The following FSTL5 variants were observed in gnomAD, a reference collection of about 807,000 sequenced individuals.
FSTL5 encodes the protein follistatin-related protein 5.
In FSTL5, 62 loss-of-function variants were observed where a neutral mutation model predicts 89.1. That is an observed-to-expected ratio of 0.70 (90% CI 0.57 to 0.86). The LOEUF (loss-of-function observed/expected upper bound fraction) is 0.86. Ranked by LOEUF, FSTL5 falls within the 40% of genes least tolerant of loss-of-function variation. FSTL5 has a pLI of 0.00. For missense variants in FSTL5, 1,057 were observed against 1,001.6 expected, an observed-to-expected ratio of 1.06 and a Z score of -0.75; for synonymous variants, 383 against 346.2, an observed-to-expected ratio of 1.11 and a Z score of -1.18.
chr4:161,386,907 C>G (rs1372667572), intron 15 of FSTL5: 1 of 157,248 alleles, frequency 6.4e-6, no homozygotes, highest in African/African-American at 2.4e-5. Context: ...AAATCTGACA[C>G]TCATCATTAT....
At chr4:161,572,318 TAAAAA>T (rs755306574) in intron 8 of FSTL5, among the ~76,000 whole-genome samples, 42 of 64,050 alleles carry the variant, frequency 6.6e-4, no homozygotes, top group African/African-American at 1.7e-3. Flanking sequence ...AGACTCCGTC[TAAAAA>T]AAAAAAAAAA....
At chr4:161,918,153 T>A (rs780354344) in intron 4 of FSTL5, among the ~76,000 whole-genome samples, 21 of 152,162 alleles carry the variant, frequency 1.4e-4, no homozygotes, top group Non-Finnish European at 2.5e-4. Flanking sequence ...CACAATAATA[T>A]CAGGCCTCAG....
rs80090874 is a variant in FSTL5, at chr4:161,553,895, C to T, written c.1016-11202G>A. On this transcript the variant is annotated intron_variant, in intron 8 of 15. Transcript: ENST00000306100. ...ACTGAACTATTGCTCAGTTTAAAAACGACATCATCATTTAAATAAATCAAA... is the reference window on the plus strand; with the variant it reads ...ACTGAACTATTGCTCAGTTTAAAAATGACATCATCATTTAAATAAATCAAA... 7.8e-3 allele frequency among the ~76,000 whole-genome samples: 1,189 copies of T among 151,554 alleles called. 12 individuals are homozygous for T. The highest frequency in any genetic ancestry group is 0.026 in the African/African-American group (1,083 of 41,474).
intron 3 of FSTL5, among the ~76,000 whole-genome samples, chr4:161,990,728 G>A (rs921289090): frequency 1.3e-5 from 2 of 151,902 alleles, no homozygotes; most frequent in Non-Finnish European, 2.9e-5. Context: ...GGTGGTTTTC[G>A]GGTAGACATT....
chr4:161,394,257 A>G (rs1288275731), intron 15 of FSTL5, among the ~76,000 whole-genome samples: 1 of 152,138 alleles, frequency 6.6e-6, no homozygotes, highest in Non-Finnish European at 1.5e-5. Flanking sequence ...ACATTTAATT[A>G]TAGGTAAAAT....
chr4:161,476,752 C>G (rs905812248), intron 13 of FSTL5, among the ~76,000 whole-genome samples: 9 of 152,072 alleles, frequency 5.9e-5, no homozygotes, highest in Admixed American at 5.9e-4. Flanking sequence ...TTTAGATGTC[C>G]TAGAAGTCAC....
intron 4 of FSTL5, among the ~76,000 whole-genome samples, chr4:161,859,034 T>A (rs1167599629): frequency 6.6e-6 from 1 of 152,218 alleles, no homozygotes; most frequent in South Asian, 2.1e-4. Context: ...TGGTCAGGTC[T>A]CTCTCCCATT....
chr4:162,064,038 CA>C (rs2111289374), intron 2 of FSTL5, among the ~76,000 whole-genome samples: 1 of 152,038 alleles, frequency 6.6e-6, no homozygotes, highest in East Asian at 1.9e-4. Context: ...GCCTTACTTA[CA>C]TTTTTTTTCT....
At chr4:161,845,558 T>G (rs1244274402) in intron 4 of FSTL5, among the ~76,000 whole-genome samples, 1 of 152,224 alleles carries the variant, frequency 6.6e-6, no homozygotes, top group Non-Finnish European at 1.5e-5. Flanking sequence ...TTATAACCTC[T>G]GAATACATTG....
intron 3 of FSTL5, among the ~76,000 whole-genome samples, chr4:161,970,572 T>C (rs1361493815): frequency 1.3e-5 from 2 of 152,064 alleles, no homozygotes; most frequent in Non-Finnish European, 2.9e-5. Flanking sequence ...GTTGTCCAGA[T>C]TGAACTAAGA....
rs1210388811 is a variant in FSTL5 at position 161,779,798 on chromosome 4, T to C, written c.410-3724A>G. On this transcript the variant is annotated intron_variant, in intron 4 of 15. Coordinates refer to ENST00000306100, the MANE Select transcript of FSTL5 (RefSeq NM_020116.5). ...ATGTATATATATATATATATATATA[T>C]ATATATATATATGTATATATATATA... Among the ~76,000 whole-genome samples, 29 of 59,050 alleles carry C rather than the reference T, an allele frequency of 4.9e-4. 1 individual carries two copies. Among genetic ancestry groups the C allele is most frequent in the South Asian group, 5.8e-4 (1 of 1,716 alleles). 38.7% of individuals were successfully genotyped at this position (59,050 alleles called of 152,430 possible).
chr4:162,146,214 T>C lies in FSTL5; in HGVS notation c.-17+17401A>G, dbSNP rs189066967. ...GATATCTATGTAAATATAATGTCCA[T>C]ATCTATGTATTTATATATCTATCTA... On this transcript the variant is annotated intron_variant, in intron 1 of 15. Coordinates refer to ENST00000306100, the MANE Select transcript of FSTL5 (RefSeq NM_020116.5). 5.8e-4 allele frequency among the ~76,000 whole-genome samples: 88 copies of C among 152,272 alleles called. 1 individual carries two copies. In the Middle Eastern group the frequency reaches 0.014, roughly 24 times the overall value.
intron 15 of FSTL5, among the ~76,000 whole-genome samples, chr4:161,404,435 A>T (rs1731287037): frequency 6.6e-6 from 1 of 152,140 alleles, no homozygotes; most frequent in African/African-American, 2.4e-5. Flanking sequence ...TTTATCTCCC[A>T]ATATCCTGTA....
rs577122902 is a variant in FSTL5, at chr4:162,058,521, G to C, written c.127-24863C>G. 3.0e-3 allele frequency among the ~76,000 whole-genome samples: 146 copies of C among 49,020 alleles called. 2 individuals are homozygous for C. The highest frequency in any genetic ancestry group is 0.028 in the Admixed American group (144 of 5,188). 32.2% of individuals were successfully genotyped at this position (49,020 alleles called of 152,430 possible). On this transcript the variant is annotated intron_variant, in intron 2 of 15. Coordinates refer to ENST00000306100, the MANE Select transcript of FSTL5 (RefSeq NM_020116.5). ...AGCTCACTGCAACCTCCGCCTCCCA[G>C]GTTCAAGCAATTCTCCTGCTTCAGC...
At chr4:162,012,492 T>A (rs1736797481) in intron 3 of FSTL5, among the ~76,000 whole-genome samples, 1 of 152,142 alleles carries the variant, frequency 6.6e-6, no homozygotes, top group African/African-American at 2.4e-5. Flanking sequence ...ATAACCCAAA[T>A]TTCAATTCAA....
intron 6 of FSTL5, among the ~76,000 whole-genome samples, chr4:161,695,156 AC>A (rs950301990): frequency 3.3e-5 from 5 of 151,822 alleles, no homozygotes; most frequent in African/African-American, 1.2e-4. Context: ...TGCAGCCATC[AC>A]CCAAGCAGCA....
chr4:161,951,937 A>T (rs1179024769), intron 3 of FSTL5, among the ~76,000 whole-genome samples: 1 of 152,056 alleles, frequency 6.6e-6, no homozygotes, highest in African/African-American at 2.4e-5. Context: ...TACGAGAAAG[A>T]TTTAGATGTA....
intron 10 of FSTL5, among the ~76,000 whole-genome samples, chr4:161,517,028 A>G (rs1226531040): frequency 6.6e-6 from 1 of 152,052 alleles, no homozygotes; most frequent in Non-Finnish European, 1.5e-5. Flanking sequence ...AGCTGGGATT[A>G]CAGAAGTGTG....
chr4:162,133,856 A>AG (rs1384453251), intron 1 of FSTL5, among the ~76,000 whole-genome samples: 1 of 152,214 alleles, frequency 6.6e-6, no homozygotes, highest in African/African-American at 2.4e-5. Context: ...CTTTCTTCTC[A>AG]GTAAGGATTC....
Sources: gnomAD v4.1 joint callset for allele counts (sites outside exome capture counted in the v4.1 genomes callset) on GRCh38, gnomAD v4.1.1 for gene constraint, MANE v1.5 for transcripts, NCBI Gene and HGNC (gene_info 2026-07-23, HGNC 2026-07-21) for gene names.